The following MRO variants were observed in gnomAD, a reference collection of about 807,000 sequenced individuals.
MRO encodes the protein protein maestro.
A neutral mutation model predicts 31.0 loss-of-function variants in MRO; 28 were observed. The observed-to-expected ratio is 0.90, with a 90% CI of 0.67 to 1.24. MRO has a LOEUF of 1.24. Ranked by LOEUF, MRO falls within the 50% of genes most tolerant of loss-of-function variation. MRO has a pLI of 0.00. For missense variants in MRO, 332 were observed against 289.2 expected, an observed-to-expected ratio of 1.15 and a Z score of -1.07; for synonymous variants, 108 against 108.4, an observed-to-expected ratio of 1.00 and a Z score of 0.02.
chr18:50,811,622 T>G (rs987420719), intron 2 of MRO, among the ~76,000 whole-genome samples: 3 of 152,222 alleles, frequency 2.0e-5, no homozygotes, highest in Non-Finnish European at 4.4e-5. Flanking sequence ...GCACTTGGGC[T>G]GTTTCCCTGT....
chr18:50,824,485 C>G (rs1022534046), upstream of MRO, among the ~76,000 whole-genome samples: 1 of 146,752 alleles, frequency 6.8e-6, no homozygotes, highest in Non-Finnish European at 1.5e-5. Flanking sequence ...GACAGAGTCT[C>G]ATTCTGTTGC....
intron 2 of MRO, 86 bp downstream of exon 2, chr18:50,819,495 G>C (rs553128708): frequency 1.9e-4 from 292 of 1,516,920 alleles, no homozygotes; most frequent in Middle Eastern, 1.0e-3. Flanking sequence ...TGACCAGAGT[G>C]ACATTCCAGA....
At chr18:50,803,112 G>C (rs1290711195) in intron 5 of MRO, among the ~76,000 whole-genome samples, 1 of 152,114 alleles carries the variant, frequency 6.6e-6, no homozygotes, top group Non-Finnish European at 1.5e-5. Flanking sequence ...AGTGCTATCT[G>C]TAATGGAGAT....
Position 50,798,539 on chromosome 18 carries a change from C to A in MRO, c.*798G>T, listed in dbSNP as rs970015585. Reference sequence around the variant, plus strand: ...TTATCTGGGGAAAGTTACCTAATTTCCCTATGTGTTAGCTTTCTCATCTAT... The same window carrying A: ...TTATCTGGGGAAAGTTACCTAATTTACCTATGTGTTAGCTTTCTCATCTAT... On this transcript the variant is annotated 3_prime_UTR_variant, in exon 8 of 8. Coordinates refer to ENST00000398439, the MANE Select transcript of MRO (RefSeq NM_031939.6). 1 of 152,176 alleles carries A rather than the reference C, an allele frequency of 6.6e-6. No homozygotes were observed. Among genetic ancestry groups the A allele is most frequent in the Non-Finnish European group, 1.5e-5 (1 of 68,046 alleles). 9.4% of individuals were successfully genotyped at this position (152,176 alleles called of 1,614,324 possible).
intron 1 of MRO, 33 bp from the exon 2 acceptor site, chr18:50,819,735 G>T: frequency 1.9e-6 from 3 of 1,547,386 alleles, no homozygotes; most frequent in Non-Finnish European, 2.6e-6. Flanking sequence ...AGGAGGTGAC[G>T]CAGGGTCTGT....
Position 50,820,006 on chromosome 18 carries a change from A to G in MRO, c.-236T>C. 3 of 1,521,102 alleles carry G rather than the reference A, an allele frequency of 2.0e-6. No individual in the cohort carries two copies. Among genetic ancestry groups the G allele is most frequent in the Non-Finnish European group, 2.7e-6 (3 of 1,120,150 alleles). 94.2% of individuals were successfully genotyped at this position (1,521,102 alleles called of 1,614,324 possible). The stretch of plus-strand genomic sequence containing the variant: ...GACACTTTCTGCAGAAATTCTGCAG[A>G]TGGCAATTCTGGGGACCTTTCCTCT... On this transcript the variant is annotated 5_prime_UTR_variant, in exon 1 of 8. Transcript: ENST00000398439.
rs545590231 is a variant in MRO, at chr18:50,795,456, G to C, written c.*3881C>G. On this transcript the variant is annotated 3_prime_UTR_variant, in exon 8 of 8. Coordinates refer to ENST00000398439, the MANE Select transcript of MRO (RefSeq NM_031939.6). ...CTACCCTACACAGCTGTTGTTTCTC[G>C]CTTTCAAAACATTCTAGTGCTTTTT... 6.6e-6 allele frequency: 1 copy of C among 152,134 alleles called. No individual in the cohort carries two copies. Among genetic ancestry groups the C allele is most frequent in the Admixed American group, 6.5e-5 (1 of 15,276 alleles). 9.4% of individuals were successfully genotyped at this position (152,134 alleles called of 1,614,324 possible). A position where few individuals can be genotyped will look rare whatever the true frequency, so the allele number is the denominator to read the frequency against.
In MRO at chr18:50,799,982, C is replaced by T. The variant is rs12967343; in HGVS notation, c.693+54G>A. 1.2e-3 allele frequency: 1,602 copies of T among 1,294,102 alleles called. 5 individuals carry two copies. The highest frequency in any genetic ancestry group is 1.7e-3 in the Non-Finnish European group (1,525 of 897,004). The allele number at this position is 1,294,102 out of a possible 1,614,324, so 80.2% of individuals were successfully genotyped here. The stretch of plus-strand genomic sequence containing the variant: ...TGTGCTTGGCCACCTTCCGTGTTAA[C>T]CACCAGGAGGGCAGGGACCGGAAAA... On this transcript the variant is annotated intron_variant, in intron 7 of 7. Transcript: ENST00000398439.
chr18:50,820,954 T>A (rs192176378), upstream of MRO, among the ~76,000 whole-genome samples: 46 of 152,288 alleles, frequency 3.0e-4, no homozygotes, highest in Non-Finnish European at 1.0e-4. Flanking sequence ...AACACCACCC[T>A]CTTCAGATTA....
Position 50,809,386 on chromosome 18 carries a change from C to CT in MRO, c.14dup (p.Arg6GlufsTer58). 3 of 1,613,530 alleles carry CT rather than the reference C, an allele frequency of 1.9e-6. 1 individual carries two copies. The South Asian group carries it at 3.3e-5, about 18-fold the overall frequency. ...AAAGGGGCTGGCCCAGGATTCTCCT[C>CT]TGTCTTTGGTCCATGGAACTAAAAA... On this transcript the variant is annotated frameshift_variant, in exon 3 of 8. Transcript: ENST00000398439. LOFTEE classifies it high-confidence loss of function.
upstream of MRO, chr18:50,820,062 G>T: frequency 8.9e-7 from 1 of 1,126,884 alleles, no homozygotes; most frequent in Non-Finnish European, 1.3e-6. Context: ...GCCAAGGCCC[G>T]TTCCCCATGC....
At chr18:50,811,886 C>A (rs986363132) in intron 2 of MRO, among the ~76,000 whole-genome samples, 1 of 150,860 alleles carries the variant, frequency 6.6e-6, no homozygotes, top group Non-Finnish European at 1.5e-5. Context: ...GGATTACAGG[C>A]GTACGCCACC....
intron 3 of MRO, among the ~76,000 whole-genome samples, chr18:50,808,088 A>AAAAC (rs970643349): frequency 1.3e-4 from 20 of 152,316 alleles, no homozygotes; most frequent in African/African-American, 3.4e-4. Flanking sequence ...CTCTGTCTCA[A>AAAAC]AAACAAACAA....
intron 4 of MRO, among the ~76,000 whole-genome samples, chr18:50,805,968 T>C (rs532355731): frequency 4.6e-5 from 7 of 152,076 alleles, no homozygotes; most frequent in African/African-American, 1.4e-4. Context: ...TCTATCTTTT[T>C]TTTTTTTTTT....
rs34996472 is a variant in MRO, at chr18:50,798,929, C to CAA, written c.*406_*407dup. ...ACACTAAAAAAAAACAAAACAACAA[C>CAA]AACAAAAAAACAAAAAAACGCTTAA... On this transcript the variant is annotated 3_prime_UTR_variant, in exon 8 of 8. Transcript: ENST00000398439. 6.6e-3 allele frequency: 987 copies of CAA among 149,340 alleles called. 11 individuals are homozygous for CAA. Among genetic ancestry groups the CAA allele is most frequent in the African/African-American group, 0.019 (783 of 40,176 alleles). The allele number at this position is 149,340 out of a possible 1,614,324, so 9.3% of individuals were successfully genotyped here. A position where few individuals can be genotyped will look rare whatever the true frequency, so the allele number is the denominator to read the frequency against.
At chr18:50,799,989 G>A (rs369576939) in intron 7 of MRO, 47 bp downstream of exon 7, 5 of 1,358,404 alleles carry the variant, frequency 3.7e-6, no homozygotes, top group Non-Finnish European at 4.2e-6. Context: ...TAACCACCAG[G>A]AGGGCAGGGA....
chr18:50,807,247 A>G (rs936719635), intron 3 of MRO, among the ~76,000 whole-genome samples: 3 of 152,264 alleles, frequency 2.0e-5, no homozygotes, highest in Admixed American at 6.5e-5. Flanking sequence ...CTTCTTCTCC[A>G]GCTCTTTCCC....
chr18:50,801,849 C>G (rs1913362949), intron 5 of MRO, among the ~76,000 whole-genome samples: 1 of 152,104 alleles, frequency 6.6e-6, no homozygotes, highest in Admixed American at 6.5e-5. Context: ...ATAAACTTCC[C>G]AAAATTCAAA....
At chr18:50,822,880 C>T (rs72627213), upstream of MRO, among the ~76,000 whole-genome samples, 789 of 152,142 alleles carry the variant, frequency 5.2e-3, 21 homozygotes, top group East Asian at 0.066. Context: ...GTGGGACCAA[C>T]ACTCGGACTG....
Sources: gnomAD v4.1 joint callset for allele counts (sites outside exome capture counted in the v4.1 genomes callset) on GRCh38, gnomAD v4.1.1 for gene constraint, MANE v1.5 for transcripts, NCBI Gene and HGNC (gene_info 2026-07-23, HGNC 2026-07-21) for gene names.